Variants in SKAP2 observed in about 807,000 individuals in gnomAD.
SKAP2 encodes the protein src kinase-associated phosphoprotein 2.
A neutral mutation model predicts 54.9 loss-of-function variants in SKAP2; 28 were observed. The observed-to-expected ratio is 0.51, with a 90% CI of 0.38 to 0.70. SKAP2 has a LOEUF of 0.70. Among genes scored for constraint, SKAP2 ranks in the 30% least tolerant of loss-of-function variants. The pLI is 0.00. For missense variants in SKAP2, 356 were observed against 424.1 expected, an observed-to-expected ratio of 0.84 and a Z score of 1.41; for synonymous variants, 137 against 134.3, an observed-to-expected ratio of 1.02 and a Z score of -0.14.
At chr7:26,671,521 AT>A (rs1450789926) in intron 11 of SKAP2, among the ~76,000 whole-genome samples, 5 of 152,106 alleles carry the variant, frequency 3.3e-5, no homozygotes, top group African/African-American at 1.2e-4. Context: ...CAATAGAGAG[AT>A]TATAGGATAA....
intron 9 of SKAP2, among the ~76,000 whole-genome samples, chr7:26,701,453 C>T (rs1787019882): frequency 6.6e-6 from 1 of 152,162 alleles, no homozygotes; most frequent in Non-Finnish European, 1.5e-5. Context: ...CGCATTCAGG[C>T]TGGGCGCAGT....
intron 4 of SKAP2, among the ~76,000 whole-genome samples, chr7:26,840,917 A>G (rs1784805275): frequency 6.6e-6 from 1 of 152,110 alleles, no homozygotes. Context: ...TTCTCAAAAA[A>G]TATAAAACAT....
intron 11 of SKAP2, among the ~76,000 whole-genome samples, chr7:26,682,285 C>A (rs985727969): frequency 3.0e-4 from 46 of 152,138 alleles, no homozygotes; most frequent in African/African-American, 1.1e-3. Context: ...AGATTCCTAG[C>A]TGAATTTGTC....
intron 9 of SKAP2, among the ~76,000 whole-genome samples, chr7:26,723,357 C>T (rs988279559): frequency 6.6e-6 from 1 of 152,122 alleles, no homozygotes; most frequent in East Asian, 1.9e-4. Context: ...CATTCCACAG[C>T]TGCCTACAAC....
At chr7:26,825,232 T>C (rs1444168444) in intron 4 of SKAP2, among the ~76,000 whole-genome samples, 1 of 152,186 alleles carries the variant, frequency 6.6e-6, no homozygotes, top group Non-Finnish European at 1.5e-5. Flanking sequence ...GATACAGATA[T>C]TAATACTAGC....
chr7:26,801,108 C>T (rs1206364809), intron 4 of SKAP2, among the ~76,000 whole-genome samples: 1 of 151,966 alleles, frequency 6.6e-6, no homozygotes, highest in African/African-American at 2.4e-5. Context: ...AAATCATCAA[C>T]AAAATACAAG....
At chr7:26,831,368 C>A (rs1013722551) in intron 4 of SKAP2, among the ~76,000 whole-genome samples, 1 of 152,096 alleles carries the variant, frequency 6.6e-6, no homozygotes, top group South Asian at 2.1e-4. Context: ...CACAGAATAC[C>A]CTGTTGAAAA....
chr7:26,728,200 CTA>C (rs1227446331), intron 6 of SKAP2, among the ~76,000 whole-genome samples: 1 of 152,058 alleles, frequency 6.6e-6, no homozygotes, highest in Non-Finnish European at 1.5e-5. Flanking sequence ...ACAATAAACT[CTA>C]TGTTTTTCAC....
chr7:26,680,065 A>G (rs1786454395), intron 11 of SKAP2, among the ~76,000 whole-genome samples: 1 of 152,154 alleles, frequency 6.6e-6, no homozygotes, highest in South Asian at 2.1e-4. Flanking sequence ...CTTAACTCTC[A>G]TTTTTCTTTT....
intron 7 of SKAP2, among the ~76,000 whole-genome samples, 170 bp from the exon 8 acceptor site, chr7:26,726,156 T>C (rs536412280): frequency 2.0e-5 from 3 of 152,252 alleles, no homozygotes; most frequent in Admixed American, 6.5e-5. Context: ...ATTTATGCAA[T>C]TGAAGCAGAG....
At chr7:26,688,094 C>T (rs773060788) in intron 10 of SKAP2, among the ~76,000 whole-genome samples, 4 of 151,960 alleles carry the variant, frequency 2.6e-5, no homozygotes, top group Non-Finnish European at 5.9e-5. Flanking sequence ...GCAAAGCTAA[C>T]AGAATTGTTA....
chr7:26,731,701 A>T (rs946861771), intron 6 of SKAP2, among the ~76,000 whole-genome samples: 4 of 152,156 alleles, frequency 2.6e-5, no homozygotes, highest in Admixed American at 2.6e-4. Context: ...TGTGATGCCA[A>T]CAACTGTGAT....
At chr7:26,797,123 AG>A (rs902427714) in intron 4 of SKAP2, among the ~76,000 whole-genome samples, 18 of 152,242 alleles carry the variant, frequency 1.2e-4, no homozygotes, top group Admixed American at 3.3e-4. Flanking sequence ...ACCGGGGATT[AG>A]GGGACCTCGC....
At chr7:26,776,828 T>A (rs764808681) in intron 4 of SKAP2, among the ~76,000 whole-genome samples, 21 of 152,190 alleles carry the variant, frequency 1.4e-4, no homozygotes, top group Non-Finnish European at 3.1e-4. Flanking sequence ...TCACTGTCTA[T>A]GTGATAGAGC....
At chr7:26,696,573 T>C (rs1786899529) in intron 9 of SKAP2, among the ~76,000 whole-genome samples, 2 of 152,192 alleles carry the variant, frequency 1.3e-5, no homozygotes, top group South Asian at 4.1e-4. Context: ...CTGGGAGTTT[T>C]GCAACAATTT....
intron 9 of SKAP2, among the ~76,000 whole-genome samples, chr7:26,716,527 C>T (rs1356666468): frequency 6.6e-6 from 1 of 152,122 alleles, no homozygotes; most frequent in African/African-American, 2.4e-5. Context: ...AAGAATAGTG[C>T]TAGACTTTTA....
At chr7:26,762,804 T>A (rs2127971548) in intron 4 of SKAP2, among the ~76,000 whole-genome samples, 1 of 152,316 alleles carries the variant, frequency 6.6e-6, no homozygotes, top group Non-Finnish European at 1.5e-5. Context: ...GAAAGAAATT[T>A]ATAACCTCTT....
intron 11 of SKAP2, among the ~76,000 whole-genome samples, chr7:26,670,564 T>C (rs534454337): frequency 6.6e-6 from 1 of 152,090 alleles, no homozygotes; most frequent in Non-Finnish European, 1.5e-5. Context: ...CCTTAAGCTA[T>C]TATATTTGCC....
intron 9 of SKAP2, among the ~76,000 whole-genome samples, chr7:26,705,302 T>C (rs116249515): frequency 0.012 from 1,806 of 152,346 alleles, 35 homozygotes; most frequent in African/African-American, 0.041. Context: ...TTTGGGATTT[T>C]ATTTCCATCT....
Sources: allele counts gnomAD v4.1 joint callset (sites outside exome capture counted in the v4.1 genomes callset), GRCh38; gene constraint gnomAD v4.1.1; transcripts MANE v1.5; gene names NCBI Gene and HGNC (gene_info 2026-07-23, HGNC 2026-07-21).